Variants in EXOC4 observed in about 807,000 individuals in gnomAD.
EXOC4 encodes the protein SEC8-like 1.
Under a neutral mutation model 107.2 loss-of-function variants are expected in EXOC4, and 71 were observed. The ratio of observed to expected loss-of-function variants is 0.66; its 90% confidence interval spans 0.55 to 0.81. The LOEUF (loss-of-function observed/expected upper bound fraction) is 0.81, where lower values mean the gene tolerates loss of function less well. EXOC4 is among the 30% of genes least tolerant of loss of function. EXOC4 has a pLI of 0.00. For missense variants in EXOC4, 1,108 were observed against 1,189.6 expected (o/e 0.93, Z 1.01); for synonymous variants, 456 against 441.2 (o/e 1.03, Z -0.42).
chr7:133,267,022 C>G (rs948048703), intron 1 of EXOC4, among the ~76,000 whole-genome samples: 2 of 152,120 alleles, frequency 1.3e-5, no homozygotes, highest in African/African-American at 4.8e-5. Context: ...GCATAGTTGT[C>G]TTTTACATTT....
intron 5 of EXOC4, among the ~76,000 whole-genome samples, chr7:133,325,297 T>A (rs1795211857): frequency 6.6e-6 from 1 of 152,242 alleles, no homozygotes; most frequent in East Asian, 1.9e-4. Flanking sequence ...TGCAGTTGCT[T>A]CCTAGCATTG....
intron 9 of EXOC4, among the ~76,000 whole-genome samples, chr7:133,620,924 T>C (rs1278626189): frequency 6.6e-6 from 1 of 152,224 alleles, no homozygotes; most frequent in Non-Finnish European, 1.5e-5. Context: ...CCTCAGTGGT[T>C]GTCAATTAAA....
At chr7:133,630,757 T>C (rs1318855906) in intron 10 of EXOC4, among the ~76,000 whole-genome samples, 1 of 152,224 alleles carries the variant, frequency 6.6e-6, no homozygotes, top group Non-Finnish European at 1.5e-5. Context: ...ACATCAAACA[T>C]ATGTTTTTAT....
intron 9 of EXOC4, among the ~76,000 whole-genome samples, chr7:133,545,145 C>G (rs1800456562): frequency 6.6e-6 from 1 of 151,838 alleles, no homozygotes; most frequent in Admixed American, 6.6e-5. Flanking sequence ...TCTTTTCCTC[C>G]CCCACTCTTG....
intron 5 of EXOC4, among the ~76,000 whole-genome samples, chr7:133,328,036 G>T (rs757889207): frequency 2.0e-5 from 3 of 152,120 alleles, no homozygotes; most frequent in African/African-American, 7.2e-5. Flanking sequence ...TTACAGTGGG[G>T]TGTTAAAAAG....
intron 7 of EXOC4, among the ~76,000 whole-genome samples, chr7:133,438,894 A>G (rs1051573634): frequency 1.3e-5 from 2 of 152,220 alleles, no homozygotes; most frequent in Non-Finnish European, 2.9e-5. Context: ...TTGCTTACAG[A>G]TGACAGTAGG....
chr7:133,734,269 A>G (rs1340967968), intron 10 of EXOC4, among the ~76,000 whole-genome samples: 1 of 152,220 alleles, frequency 6.6e-6, no homozygotes, highest in African/African-American at 2.4e-5. Flanking sequence ...CATCCCAAGT[A>G]CTAGGAAGAA....
In EXOC4 at chr7:133,306,070, G is replaced by A; in HGVS notation, c.656+9G>A. Reference sequence around the variant, plus strand: ...GAAAAAGGGAAAATCAGGTTAAAGAGGCTCTTTGCTATAAGTGTCTTGTGG... The same window carrying A: ...GAAAAAGGGAAAATCAGGTTAAAGAAGCTCTTTGCTATAAGTGTCTTGTGG... On this transcript the variant is annotated intron_variant, in intron 4 of 17. Coordinates refer to ENST00000253861, the MANE Select transcript of EXOC4 (RefSeq NM_021807.4). 6.2e-7 allele frequency: 1 copy of A among 1,605,336 alleles called. No individual in the cohort carries two copies. Among genetic ancestry groups the A allele is most frequent in the Non-Finnish European group, 8.5e-7 (1 of 1,175,256 alleles).
chr7:133,389,849 G>C (rs1403044175), intron 7 of EXOC4, among the ~76,000 whole-genome samples: 1 of 145,644 alleles, frequency 6.9e-6, no homozygotes, highest in Non-Finnish European at 1.5e-5. Flanking sequence ...AATCATGGCG[G>C]AACGCAAGGA....
intron 17 of EXOC4, among the ~76,000 whole-genome samples, chr7:134,034,763 G>C (rs546765693): frequency 5.3e-5 from 8 of 152,186 alleles, no homozygotes; most frequent in African/African-American, 1.9e-4. Flanking sequence ...ACTAATACAG[G>C]TTGTAAGTGA....
At chr7:134,073,878 C>T in the EXOC4 span, among the ~76,000 whole-genome samples, 1 of 152,142 alleles carries the variant, frequency 6.6e-6, no homozygotes, top group Admixed American at 6.5e-5. Flanking sequence ...GCATCCTGAT[C>T]ACTCTTTCCC....
chr7:133,638,073 A>AT (rs1802756591), intron 10 of EXOC4, among the ~76,000 whole-genome samples: 1 of 152,080 alleles, frequency 6.6e-6, no homozygotes, highest in Non-Finnish European at 1.5e-5. Context: ...GAAACAGAAG[A>AT]TTTTTTATCT....
chr7:133,433,087 T>C (rs1797891647), intron 7 of EXOC4, among the ~76,000 whole-genome samples: 1 of 152,246 alleles, frequency 6.6e-6, no homozygotes, highest in African/African-American at 2.4e-5. Context: ...AATGGCAGAC[T>C]TCTGTAAAAC....
At chr7:133,365,344 G>A (rs1396954359) in intron 6 of EXOC4, among the ~76,000 whole-genome samples, 1 of 152,018 alleles carries the variant, frequency 6.6e-6, no homozygotes, top group Non-Finnish European at 1.5e-5. Flanking sequence ...TTTTGGAATG[G>A]GGGAAAGGAT....
chr7:133,827,470 A>G lies in EXOC4; in HGVS notation c.1734+9926A>G, dbSNP rs527542859. ...AATGACAGAAAAAAATTATTTAACT[A>G]TATTTAAACTAGCTTCTATATAATA... is the stretch of plus-strand genomic sequence containing the variant. On this transcript the variant is annotated intron_variant, in intron 11 of 17. Transcript: ENST00000253861. 2.6e-5 allele frequency among the ~76,000 whole-genome samples: 4 copies of G among 152,332 alleles called. 1 individual carries two copies. The South Asian group carries it at 6.2e-4, about 24-fold the overall frequency.
chr7:133,510,989 A>G (rs1412490242), intron 9 of EXOC4, among the ~76,000 whole-genome samples: 2 of 152,192 alleles, frequency 1.3e-5, no homozygotes, highest in Admixed American at 1.3e-4. Context: ...GAAAGAGTAT[A>G]TCCACAAGAT....
In EXOC4 at chr7:134,065,136, C is replaced by G. The variant is rs3735048; in HGVS notation, c.*608C>G. 80,468 of 152,378 alleles carry G rather than the reference C, an allele frequency of 0.53. 21,747 individuals are homozygous for G. Among genetic ancestry groups the G allele is most frequent in the East Asian group, 0.68 (3,516 of 5,138 alleles). 9.4% of individuals were successfully genotyped at this position (152,378 alleles called of 1,614,324 possible). A position where few individuals can be genotyped will look rare whatever the true frequency, so the allele number is the denominator to read the frequency against. On this transcript the variant is annotated 3_prime_UTR_variant, in exon 18 of 18. Coordinates refer to ENST00000253861, the MANE Select transcript of EXOC4 (RefSeq NM_021807.4). ...AATAGAAGTCTTTTGATCCCAGTCC[C>G]TGGGACAGTTTTGTATGCTGTATCT...
At chr7:133,822,584 A>C (rs1797547999) in intron 11 of EXOC4, among the ~76,000 whole-genome samples, 1 of 152,198 alleles carries the variant, frequency 6.6e-6, no homozygotes, top group Non-Finnish European at 1.5e-5. Context: ...TTTGTATAGA[A>C]TCTCCAGATG....
At chr7:133,834,021 C>A (rs1245044598) in intron 11 of EXOC4, among the ~76,000 whole-genome samples, 2 of 152,064 alleles carry the variant, frequency 1.3e-5, no homozygotes, top group Non-Finnish European at 2.9e-5. Context: ...AGCACACCCC[C>A]CTTGAATGCA....
Sources: gnomAD v4.1 joint callset for allele counts (sites outside exome capture counted in the v4.1 genomes callset) on GRCh38, gnomAD v4.1.1 for gene constraint, MANE v1.5 for transcripts, NCBI Gene and HGNC (gene_info 2026-07-23, HGNC 2026-07-21) for gene names.